The following BRIP1 variants were observed in gnomAD, a reference collection of about 807,000 sequenced individuals.
BRIP1 encodes the protein BRCA1 interacting DNA helicase 1, also known as Fanconi anemia group J protein.
In BRIP1, 88 loss-of-function variants were observed where a neutral mutation model predicts 119.7. That is an observed-to-expected ratio of 0.74 (90% CI 0.62 to 0.88). The LOEUF is 0.88. Among genes scored for constraint, BRIP1 ranks in the 40% least tolerant of loss-of-function variants. The probability of loss-of-function intolerance (pLI) is 0.00; values close to 1 mark genes in which losing one functional copy is unlikely to be tolerated. For synonymous variants in BRIP1, 443 were observed against 496.5 expected (o/e 0.89, Z 1.43); for missense variants, 1,259 against 1,455.4 (o/e 0.87, Z 2.20).
chr17:61,685,535 G>C, intron 19 of BRIP1: 1 of 450,564 alleles, frequency 2.2e-6, no homozygotes, highest in Non-Finnish European at 3.9e-6. Flanking sequence ...AACCTGAAGG[G>C]ATAGCTAGGC....
chr17:61,784,193 G>C (rs964106536), intron 11 of BRIP1, 77 bp downstream of exon 11: 5 of 1,285,238 alleles, frequency 3.9e-6, no homozygotes, highest in Non-Finnish European at 5.6e-6. Context: ...CCCAAAATAG[G>C]TATGTATTAA....
intron 17 of BRIP1, among the ~76,000 whole-genome samples, chr17:61,702,321 C>G (rs1435047464): frequency 6.6e-6 from 1 of 152,066 alleles, no homozygotes; most frequent in Non-Finnish European, 1.5e-5. Flanking sequence ...GTTATAGAGG[C>G]AGATTGCATG....
In BRIP1 at chr17:61,695,637, T is replaced by C. The variant is rs1431798307; in HGVS notation, c.2493-2125A>G. Among the ~76,000 whole-genome samples, 2 of 152,162 alleles carry C rather than the reference T, an allele frequency of 1.3e-5. No homozygotes were observed. The highest frequency in any genetic ancestry group is 2.9e-5 in the Non-Finnish European group (2 of 67,996). On this transcript the variant is annotated intron_variant, in intron 17 of 19. Coordinates refer to ENST00000259008, the MANE Select transcript of BRIP1 (RefSeq NM_032043.3). This position sits in a 1 kb window ranked among gnomAD's most constrained non-coding sequence, Gnocchi z 4.3. ...ATGAACGTGGGATTCTTTCCATTTA[T>C]TTAGAATTTTCTTTCAATAATGTCT...
Position 61,805,631 on chromosome 17 carries a change from G to T in BRIP1, c.918+2836C>A, listed in dbSNP as rs2078063281. Among the ~76,000 whole-genome samples the T allele has an allele frequency of 6.6e-6, 1 of 152,248 alleles. No homozygotes were observed. Among genetic ancestry groups the T allele is most frequent in the African/African-American group, 2.4e-5 (1 of 41,556 alleles). On this transcript the variant is annotated intron_variant, in intron 7 of 19. Coordinates refer to ENST00000259008, the MANE Select transcript of BRIP1 (RefSeq NM_032043.3). This position sits in a 1 kb window ranked among gnomAD's most constrained non-coding sequence, Gnocchi z 5.6. ...ATCAAAAGAATATTTGAACCAGAAG[G>T]CTTGTAAGATTCCTTCTGACTCACT...
At position 61,787,393 on chromosome 17, in the gene BRIP1, T is replaced by TATATATTTATATAAAATATTTATATAAA. The variant is rs1555604525; in HGVS notation, c.1474-2997_1474-2970dup. Among the ~76,000 whole-genome samples, 532 of 117,696 alleles carry TATATATTTATATAAAATATTTATATAAA rather than the reference T, an allele frequency of 4.5e-3. 30 individuals are homozygous for TATATATTTATATAAAATATTTATATAAA. The highest frequency in any genetic ancestry group is 0.016 in the African/African-American group (513 of 31,204). The allele number at this position is 117,696 out of a possible 152,430, so 77.2% of individuals were successfully genotyped here. ...ATATAGTTATATACTATATATAGTA[T>TATATATTTATATAAAATATTTATATAAA]ATATATTTATATAAAATATTTATAT... On this transcript the variant is annotated intron_variant, in intron 10 of 19. Transcript: ENST00000259008.
intron 14 of BRIP1, among the ~76,000 whole-genome samples, chr17:61,763,035 C>A (rs1332165615): frequency 6.6e-6 from 1 of 152,104 alleles, no homozygotes; most frequent in African/African-American, 2.4e-5. Flanking sequence ...TACGTGGCAT[C>A]TAAAACAACT....
Position 61,734,980 on chromosome 17 carries a change from A to G in BRIP1, c.2379+8033T>C, listed in dbSNP as rs532300130. 3.3e-5 allele frequency among the ~76,000 whole-genome samples: 5 copies of G among 152,312 alleles called. No individual in the cohort carries two copies. The South Asian group carries it at 1.0e-3, about 32-fold the overall frequency. Reference sequence around the variant, plus strand: ...CGTTTCTATAAGGTAGAACATTTAAATTTTTATTTACTAAATAACTTCTAC... The same window carrying G: ...CGTTTCTATAAGGTAGAACATTTAAGTTTTTATTTACTAAATAACTTCTAC... On this transcript the variant is annotated intron_variant, in intron 16 of 19. Transcript: ENST00000259008. This position sits in a 1 kb window ranked among gnomAD's most constrained non-coding sequence, Gnocchi z 5.2.
At chr17:61,764,602 T>C (rs996869031) in intron 14 of BRIP1, among the ~76,000 whole-genome samples, 2 of 152,316 alleles carry the variant, frequency 1.3e-5, no homozygotes, top group African/African-American at 4.8e-5. Context: ...GAAGATTAAC[T>C]GGGTAGATAT....
rs1603279425 is a variant in BRIP1 at position 61,691,307 on chromosome 17, C to A, written c.2575+2123G>T. Among the ~76,000 whole-genome samples, 6 of 151,728 alleles carry A rather than the reference C, an allele frequency of 4.0e-5. 1 individual carries two copies. Among genetic ancestry groups the A allele is most frequent in the Admixed American group, 3.9e-4 (6 of 15,250 alleles). On this transcript the variant is annotated intron_variant, in intron 18 of 19. Transcript: ENST00000259008. The surrounding 1 kb of genome is among the most constrained non-coding windows in gnomAD (Gnocchi z 5.0). ...AATAGCATCAAAAATAATAAAATAC[C>A]TAGGAATAAACAACTAAGGAGGCAA...
rs1248112090 is a variant in BRIP1 at position 61,857,520 on chromosome 17, T to C, written c.206-289A>G. On this transcript the variant is annotated intron_variant, in intron 3 of 19. Coordinates refer to ENST00000259008, the MANE Select transcript of BRIP1 (RefSeq NM_032043.3). This position sits in a 1 kb window ranked among gnomAD's most constrained non-coding sequence, Gnocchi z 5.1. ...AGGCACATCAATTGAAGTCAGGAGT[T>C]TGAGACCAGCCTGGCCAATATGGTA... Among the ~76,000 whole-genome samples the C allele has an allele frequency of 1.3e-5, 2 of 152,054 alleles. No homozygotes were observed. Among genetic ancestry groups the C allele is most frequent in the African/African-American group, 2.4e-5 (1 of 41,400 alleles).
At chr17:61,818,537 G>T (rs2078271994) in intron 6 of BRIP1, among the ~76,000 whole-genome samples, 1 of 152,168 alleles carries the variant, frequency 6.6e-6, no homozygotes, top group South Asian at 2.1e-4. Context: ...TCATATGAAA[G>T]AGTGTAAGTA....
intron 6 of BRIP1, among the ~76,000 whole-genome samples, chr17:61,835,535 C>T (rs1174637431): frequency 1.3e-5 from 2 of 151,944 alleles, no homozygotes; most frequent in African/African-American, 4.8e-5. Context: ...GCAAAATATG[C>T]ATGCTACTTC....
At chr17:61,765,384 TATATATATATATATATATA>T (rs1567798704) in intron 14 of BRIP1, among the ~76,000 whole-genome samples, 13 of 21,976 alleles carry the variant, frequency 5.9e-4, no homozygotes, top group African/African-American at 2.4e-3. Context: ...ATATATTATA[TATATATATATATATATATA>T]TATATATATA....
At chr17:61,820,881 C>T (rs1012533291) in intron 6 of BRIP1, among the ~76,000 whole-genome samples, 1 of 150,554 alleles carries the variant, frequency 6.6e-6, no homozygotes, top group African/African-American at 2.5e-5. Context: ...GCCAGGGAAG[C>T]GGAGGTTGCA....
chr17:61,808,995 A>G lies in BRIP1; in HGVS notation c.628-238T>C, dbSNP rs561684349. Among the ~76,000 whole-genome samples, 1 of 152,314 alleles carries G rather than the reference A, an allele frequency of 6.6e-6. No homozygotes were observed. Among genetic ancestry groups the G allele is most frequent in the Non-Finnish European group, 1.5e-5 (1 of 68,020 alleles). On this transcript the variant is annotated intron_variant, in intron 6 of 19. Transcript: ENST00000259008. The surrounding 1 kb of genome is among the most constrained non-coding windows in gnomAD (Gnocchi z 4.1). ...TTTCCAAATTTGCATTCTTTCCAAC[A>G]TACCACTCTAACTCTCCAATTCCAA...
At chr17:61,781,953 T>C (rs960353370) in intron 11 of BRIP1, among the ~76,000 whole-genome samples, 2 of 150,022 alleles carry the variant, frequency 1.3e-5, no homozygotes, top group Non-Finnish European at 3.0e-5. Context: ...TGTGATATTC[T>C]CTACCATGTC....
rs2076969055 is a variant in BRIP1, at chr17:61,740,234, C to T, written c.2379+2779G>A. ...ATCACAAGATCTGCAAGGCAGGACA[C>T]TGGAAAGAAGCGAGCCAGATGGACA... is the stretch of plus-strand genomic sequence containing the variant. On this transcript the variant is annotated intron_variant, in intron 16 of 19. Transcript: ENST00000259008. The surrounding 1 kb of genome is among the most constrained non-coding windows in gnomAD (Gnocchi z 5.4). Among the ~76,000 whole-genome samples the T allele has an allele frequency of 6.6e-6, 1 of 152,106 alleles. No individual in the cohort carries two copies. The highest frequency in any genetic ancestry group is 2.4e-5 in the African/African-American group (1 of 41,416).
In BRIP1 at chr17:61,841,405, A is replaced by G. The variant is rs530697695; in HGVS notation, c.627+5696T>C. Among the ~76,000 whole-genome samples, 1 of 152,146 alleles carries G rather than the reference A, an allele frequency of 6.6e-6. No homozygotes were observed. The highest frequency in any genetic ancestry group is 1.9e-4 in the East Asian group (1 of 5,182). On this transcript the variant is annotated intron_variant, in intron 6 of 19. Transcript: ENST00000259008. This position sits in a 1 kb window ranked among gnomAD's most constrained non-coding sequence, Gnocchi z 4.1. ...AAATAGGCAAAGGGTGTGAATAAAC[A>G]TTTCTCAAAAGATACATAAAGCCAA...
In BRIP1 at chr17:61,748,427, T is replaced by C. The variant is rs1175065033; in HGVS notation, c.2098-3836A>G. Among the ~76,000 whole-genome samples, 1 of 152,164 alleles carries C rather than the reference T, an allele frequency of 6.6e-6. No individual in the cohort carries two copies. Among genetic ancestry groups the C allele is most frequent in the Non-Finnish European group, 1.5e-5 (1 of 68,024 alleles). On this transcript the variant is annotated intron_variant, in intron 14 of 19. Coordinates refer to ENST00000259008, the MANE Select transcript of BRIP1 (RefSeq NM_032043.3). This position sits in a 1 kb window ranked among gnomAD's most constrained non-coding sequence, Gnocchi z 4.7. ...ACAAATGTAGATTCAATGTAACTCCTATCAAAATCCCAATGACATTTTTTA... is the reference window on the plus strand; with the variant it reads ...ACAAATGTAGATTCAATGTAACTCCCATCAAAATCCCAATGACATTTTTTA...
Sources: allele counts gnomAD v4.1 joint callset (sites outside exome capture counted in the v4.1 genomes callset), GRCh38; gene constraint gnomAD v4.1.1; non-coding constraint Gnocchi (gnomAD v3.1); transcripts MANE v1.5; gene names NCBI Gene and HGNC (gene_info 2026-07-23, HGNC 2026-07-21).